The following SLC36A1 variants were observed in gnomAD, a reference collection of about 807,000 sequenced individuals.
The protein encoded by SLC36A1 is proton-coupled amino acid transporter 1.
In SLC36A1, 30 loss-of-function variants were observed where a neutral mutation model predicts 47.5. That is an observed-to-expected ratio of 0.63 (90% CI 0.47 to 0.86). The LOEUF (loss-of-function observed/expected upper bound fraction) is 0.86, where lower values mean the gene tolerates loss of function less well. SLC36A1 is among the 40% of genes least tolerant of loss of function. The pLI, the probability that SLC36A1 is intolerant of heterozygous loss-of-function variation, is 0.00. For synonymous variants in SLC36A1, 255 were observed against 249.7 expected, an observed-to-expected ratio of 1.02 and a Z score of -0.20; for missense variants, 517 against 606.0, an observed-to-expected ratio of 0.85 and a Z score of 1.54.
At chr5:151,482,112 G>A (rs530508762) in intron 10 of SLC36A1, among the ~76,000 whole-genome samples, 1 of 152,354 alleles carries the variant, frequency 6.6e-6, no homozygotes, top group South Asian at 2.1e-4. Context: ...AGACTGGAAT[G>A]CAGAGCTGCA....
chr5:151,547,197 C>T, the SLC36A1 span, among the ~76,000 whole-genome samples: 2 of 151,972 alleles, frequency 1.3e-5, no homozygotes, highest in Non-Finnish European at 2.9e-5. Flanking sequence ...GAAAAAATAC[C>T]GTATTAAAAT....
At chr5:151,394,881 C>T in the SLC36A1 span, among the ~76,000 whole-genome samples, 353 of 152,336 alleles carry the variant, frequency 2.3e-3, 3 homozygotes, top group African/African-American at 8.2e-3. Context: ...TCTGTCTGTT[C>T]TCAGATCTCC....
the SLC36A1 span, among the ~76,000 whole-genome samples, chr5:151,430,948 T>C: frequency 1.3e-5 from 2 of 152,206 alleles, no homozygotes; most frequent in African/African-American, 4.8e-5. Flanking sequence ...TTCACTTCTG[T>C]GTGTACATAT....
the SLC36A1 span, among the ~76,000 whole-genome samples, chr5:151,395,841 G>T: frequency 6.6e-6 from 1 of 152,040 alleles, no homozygotes; most frequent in African/African-American, 2.4e-5. Flanking sequence ...ACAGAGTCTT[G>T]CTCTGTCACT....
chr5:151,441,739 A>T lies in SLC36A1; in HGVS notation c.-6+4560A>T, dbSNP rs549179862. ...ACTTTTAAGAATATATTAACCTATTATATAATTTTTTACTGAATATCTTAA... is the reference window on the plus strand; with the variant it reads ...ACTTTTAAGAATATATTAACCTATTTTATAATTTTTTACTGAATATCTTAA... On this transcript the variant is annotated intron_variant, in intron 1 of 8. Transcript: ENST00000429484. 2.2e-4 allele frequency among the ~76,000 whole-genome samples: 33 copies of T among 152,240 alleles called. 1 individual carries two copies. In the South Asian group the frequency reaches 6.7e-3, roughly 31 times the overall value.
chr5:151,544,152 A>G, the SLC36A1 span: 107 of 1,614,080 alleles, frequency 6.6e-5, no homozygotes, highest in Non-Finnish European at 8.1e-5. Flanking sequence ...CTGTGCTCCC[A>G]TTGATCTGGA....
the SLC36A1 span, among the ~76,000 whole-genome samples, chr5:151,431,798 G>A: frequency 1.3e-5 from 2 of 152,134 alleles, no homozygotes; most frequent in Non-Finnish European, 1.5e-5. Context: ...ACCCAGTCTC[G>A]AGTGTGTCTT....
the SLC36A1 span, among the ~76,000 whole-genome samples, chr5:151,348,902 C>T: frequency 6.6e-6 from 1 of 152,176 alleles, no homozygotes; most frequent in South Asian, 2.1e-4. Flanking sequence ...TTGACCACAG[C>T]ACTGTCTCCT....
At position 151,457,862 on chromosome 5, in the gene SLC36A1, T is replaced by TTC. The variant is rs113040290; in HGVS notation, c.-5-925_-5-924insCT. 2.0e-5 allele frequency among the ~76,000 whole-genome samples: 3 copies of TTC among 151,724 alleles called. 1 individual carries two copies. Among genetic ancestry groups the TTC allele is most frequent in the African/African-American group, 7.2e-5 (3 of 41,420 alleles). ...TTTTTTGTTGTTTGTTTGTTTTTTTTTTTGAGATGGAGTTTCGCTCTTGTC... is the reference window on the plus strand; with the variant it reads ...TTTTTTGTTGTTTGTTTGTTTTTTTTTCTTTGAGATGGAGTTTCGCTCTTGTC... On this transcript the variant is annotated intron_variant, in intron 1 of 10. Transcript: ENST00000243389.
the SLC36A1 span, chr5:151,509,984 C>CGGTGCAAAACCCAAGGT: frequency 2.5e-3 from 3,947 of 1,610,796 alleles, 89 homozygotes; most frequent in African/African-American, 0.044. Flanking sequence ...CATTCCCTAA[C>CGGTGCAAAACCCAAGGT]AAGGAGCCCA....
At chr5:151,379,684 T>C in the SLC36A1 span, among the ~76,000 whole-genome samples, 1 of 152,222 alleles carries the variant, frequency 6.6e-6, no homozygotes, top group Non-Finnish European at 1.5e-5. Context: ...CTGGGGTAAA[T>C]TTTAACATTA....
intron 10 of SLC36A1, chr5:151,479,979 A>G (rs1758593067): frequency 2.8e-6 from 2 of 723,362 alleles, no homozygotes; most frequent in Admixed American, 6.4e-5. Context: ...AATATGTTTC[A>G]GAAAATTTCT....
chr5:151,551,449 C>A, the SLC36A1 span: 44 of 1,612,956 alleles, frequency 2.7e-5, no homozygotes, highest in East Asian at 9.8e-4. Context: ...ACAGGGGTCC[C>A]CAGCCGAGGC....
the SLC36A1 span, chr5:151,504,793 A>G: frequency 6.6e-6 from 1 of 152,606 alleles, no homozygotes; most frequent in Non-Finnish European, 1.5e-5. Flanking sequence ...TTTAACAAAG[A>G]AGGTTCAGAG....
At chr5:151,439,115 CA>C (rs1752470104) in intron 1 of SLC36A1, among the ~76,000 whole-genome samples, 1 of 118,448 alleles carries the variant, frequency 8.4e-6, no homozygotes, top group African/African-American at 3.8e-5. Flanking sequence ...TACATGGCAG[CA>C]GGAGAGAGAG....
the SLC36A1 span, chr5:151,540,596 C>T: frequency 1.8e-3 from 2,922 of 1,613,836 alleles, 5 homozygotes; most frequent in Non-Finnish European, 2.3e-3. Flanking sequence ...TTATCATTGA[C>T]GTCCAGGACA....
At chr5:151,555,660 G>A in the SLC36A1 span, among the ~76,000 whole-genome samples, 3 of 152,100 alleles carry the variant, frequency 2.0e-5, no homozygotes, top group South Asian at 2.1e-4. Flanking sequence ...ATGAGCCACC[G>A]TGCCTGGCTA....
At chr5:151,367,929 G>A in the SLC36A1 span, among the ~76,000 whole-genome samples, 2 of 152,184 alleles carry the variant, frequency 1.3e-5, no homozygotes, top group East Asian at 1.9e-4. Context: ...TTGGCAGGGT[G>A]TTAAAAGAAA....
chr5:151,358,940 G>A, the SLC36A1 span, among the ~76,000 whole-genome samples: 1 of 137,278 alleles, frequency 7.3e-6, no homozygotes, highest in East Asian at 2.1e-4. Flanking sequence ...CGCCACTGCA[G>A]TCCGCAGTCC....
Sources: allele counts gnomAD v4.1 joint callset (sites outside exome capture counted in the v4.1 genomes callset), GRCh38; gene constraint gnomAD v4.1.1; transcripts MANE v1.5; gene names NCBI Gene and HGNC (gene_info 2026-07-23, HGNC 2026-07-21).